SDK1: variants seen among roughly 807,000 people sequenced by gnomAD.
SDK1 encodes the protein sidekick cell adhesion molecule 1.
SDK1 carries 157 observed loss-of-function variants against 245.5 expected under a neutral mutation model. The observed-to-expected ratio is 0.64, with a 90% CI of 0.56 to 0.73. The LOEUF (loss-of-function observed/expected upper bound fraction) is 0.73, where lower values mean the gene tolerates loss of function less well. SDK1 is among the 30% of genes least tolerant of loss of function. The pLI is 0.00. For synonymous variants in SDK1, 1,647 were observed against 1,278.5 expected (o/e 1.29, Z -6.15); for missense variants, 3,583 against 3,002.3 (o/e 1.19, Z -4.52).
At position 4,017,269 on chromosome 7, in the gene SDK1, A is replaced by C. The variant is rs778879858; in HGVS notation, c.2519A>C (p.Gln840Pro). The C allele has an allele frequency of 3.1e-6, 5 of 1,614,132 alleles. No individual in the cohort carries two copies. The highest frequency in any genetic ancestry group is 1.1e-5 in the South Asian group (1 of 91,082). ...CLVTDLIIWT[Q>P]YEIQVAAYNG... is the part of the protein sequence containing the mutation. ...GTGACAGACCTGATCATCTGGACAC[A>C]GTATGAGATACAGGTGGCGGCGTAC... is the stretch of plus-strand genomic sequence containing the variant. Residue 840 changes from glutamine to proline, a missense_variant, in exon 17 of 45, where the codon CAG becomes CCG. Gln to Pro is a moderately conservative substitution (Grantham distance 76). Coordinates refer to ENST00000404826, the MANE Select transcript of SDK1 (RefSeq NM_152744.4).
intron 22 of SDK1, among the ~76,000 whole-genome samples, chr7:4,099,317 G>C (rs1175168073): frequency 6.6e-6 from 1 of 150,696 alleles, no homozygotes; most frequent in East Asian, 2.0e-4. Context: ...GATCCCAAGG[G>C]GAGGGGGCAG....
chr7:3,384,818 A>G (rs1004238924), intron 1 of SDK1, among the ~76,000 whole-genome samples: 3 of 152,216 alleles, frequency 2.0e-5, no homozygotes, highest in Admixed American at 6.5e-5. Context: ...AGGTACACAC[A>G]TATATGTATG....
intron 3 of SDK1, among the ~76,000 whole-genome samples, chr7:3,640,589 TTAAG>T (rs1244962907): frequency 6.6e-6 from 1 of 152,110 alleles, no homozygotes; most frequent in African/African-American, 2.4e-5. Context: ...AAATTATATT[TTAAG>T]AAGAGCTTCA....
chr7:3,391,431 T>C lies in SDK1; in HGVS notation c.298+89547T>C, dbSNP rs574168462. Among the ~76,000 whole-genome samples, 188 of 152,202 alleles carry C rather than the reference T, an allele frequency of 1.2e-3. 1 individual carries two copies. Among genetic ancestry groups the C allele is most frequent in the Non-Finnish European group, 2.1e-3 (143 of 68,004 alleles). On this transcript the variant is annotated intron_variant, in intron 1 of 44. Transcript: ENST00000404826. ...TGCCTCATCTTAAGGAATAGAGTTG[T>C]TTCTGGAGGTCTTGCTTAAGCGTAC... is the stretch of plus-strand genomic sequence containing the variant.
intron 5 of SDK1, among the ~76,000 whole-genome samples, chr7:3,881,155 A>G (rs1781199564): frequency 6.6e-6 from 1 of 152,058 alleles, no homozygotes; most frequent in Admixed American, 6.5e-5. Flanking sequence ...TTTGTTACGC[A>G]GGTAAACCTG....
chr7:3,667,401 C>T (rs748649893), intron 4 of SDK1, among the ~76,000 whole-genome samples: 4 of 152,212 alleles, frequency 2.6e-5, no homozygotes, highest in Admixed American at 6.5e-5. Flanking sequence ...TTCCTCCCAA[C>T]CTCCTCCTAC....
intron 35 of SDK1, among the ~76,000 whole-genome samples, chr7:4,196,545 C>T (rs552696177): frequency 1.0e-3 from 152 of 152,310 alleles, no homozygotes; most frequent in African/African-American, 2.1e-3. Flanking sequence ...TTGCTCTCCA[C>T]GCCGTAACTC....
intron 5 of SDK1, among the ~76,000 whole-genome samples, chr7:3,942,995 G>T (rs1170224605): frequency 6.6e-6 from 1 of 152,208 alleles, no homozygotes; most frequent in Admixed American, 6.5e-5. Flanking sequence ...GCCTGGCCAC[G>T]TGCGGGGAAC....
chr7:4,165,505 C>T (rs1327051352), intron 32 of SDK1, among the ~76,000 whole-genome samples: 1 of 152,056 alleles, frequency 6.6e-6, no homozygotes, highest in Non-Finnish European at 1.5e-5. Flanking sequence ...TGTTTGAAAG[C>T]TAAGGAGTAG....
intron 1 of SDK1, among the ~76,000 whole-genome samples, chr7:3,329,887 T>C (rs577702632): frequency 1.8e-4 from 27 of 152,330 alleles, no homozygotes; most frequent in African/African-American, 6.5e-4. Flanking sequence ...AATCTAGCGA[T>C]GACTTAATAT....
At chr7:3,488,551 C>T (rs1352963409) in intron 1 of SDK1, among the ~76,000 whole-genome samples, 1 of 152,172 alleles carries the variant, frequency 6.6e-6, no homozygotes, top group East Asian at 1.9e-4. Flanking sequence ...CAACATATGT[C>T]ATCAAGTTTT....
chr7:3,603,521 T>C (rs1374163233), intron 1 of SDK1, among the ~76,000 whole-genome samples: 7 of 151,818 alleles, frequency 4.6e-5, no homozygotes, highest in East Asian at 1.9e-4. Flanking sequence ...GTGATTTTTG[T>C]ACATTGATTT....
chr7:3,458,153 G>A (rs1522502), intron 1 of SDK1, among the ~76,000 whole-genome samples: 11,591 of 151,146 alleles, frequency 0.077, 509 homozygotes, highest in Middle Eastern at 0.16. Flanking sequence ...ATTGATATTC[G>A]TTGATGTGGC....
intron 5 of SDK1, among the ~76,000 whole-genome samples, chr7:3,941,016 G>A (rs888410147): frequency 6.6e-6 from 1 of 151,688 alleles, no homozygotes; most frequent in Non-Finnish European, 1.5e-5. Context: ...TCTGCAGAAC[G>A]CCTTCCCTTC....
chr7:3,974,536 T>A lies in SDK1; in HGVS notation c.1985T>A (p.Leu662Gln), dbSNP rs760469132. Reference sequence around the variant, plus strand: ...GGGAATGACTCCAGGATGGCCCGGCTGGAAGTGATGTGAGTACTGAGACGT... The same window carrying A: ...GGGAATGACTCCAGGATGGCCCGGCAGGAAGTGATGTGAGTACTGAGACGT... Reference protein sequence around the residue: ...EGGNDSRMARLEVIELPHSPQ... With the variant: ...EGGNDSRMARQEVIELPHSPQ... Residue 662 changes from leucine (L) to glutamine (Q), a missense_variant, in exon 13 of 45, where the codon CTG becomes CAG. Leu to Gln is a moderately radical substitution (Grantham distance 113). Transcript: ENST00000404826. The A allele has an allele frequency of 6.2e-7, 1 of 1,614,018 alleles. No individual in the cohort carries two copies. Among genetic ancestry groups the A allele is most frequent in the Non-Finnish European group, 8.5e-7 (1 of 1,180,020 alleles).
rs368622723 is a variant in SDK1 at position 3,325,952 on chromosome 7, C to G, written c.298+24068C>G. On this transcript the variant is annotated intron_variant, in intron 1 of 44. Transcript: ENST00000404826. Reference sequence around the variant, plus strand: ...AAAGAACCATCTCGCTTGGTTGTATCCAGGGTACACTCTCATAGGGATAAA... The same window carrying G: ...AAAGAACCATCTCGCTTGGTTGTATGCAGGGTACACTCTCATAGGGATAAA... 5.9e-5 allele frequency among the ~76,000 whole-genome samples: 9 copies of G among 152,124 alleles called. No homozygotes were observed. In the South Asian group the frequency reaches 1.7e-3, roughly 28 times the overall value.
intron 4 of SDK1, among the ~76,000 whole-genome samples, chr7:3,758,273 T>G (rs6462288): frequency 0.092 from 14,040 of 152,280 alleles, 2,027 homozygotes; most frequent in African/African-American, 0.31. Context: ...GCTTACAGCA[T>G]TTCTATCGTA....
intron 4 of SDK1, among the ~76,000 whole-genome samples, chr7:3,743,781 A>T (rs1009580781): frequency 6.6e-6 from 1 of 152,150 alleles, no homozygotes; most frequent in African/African-American, 2.4e-5. Flanking sequence ...ACCGAGTGGC[A>T]TGATGAGAAA....
At chr7:3,638,796 T>G (rs13227634) in intron 2 of SDK1, among the ~76,000 whole-genome samples, 2 of 150,394 alleles carry the variant, frequency 1.3e-5, no homozygotes, top group Admixed American at 6.6e-5. Context: ...ATAATAAAAT[T>G]TAAAAAAAAA....
Sources: gnomAD v4.1 joint callset for allele counts (sites outside exome capture counted in the v4.1 genomes callset) on GRCh38, gnomAD v4.1.1 for gene constraint, MANE v1.5 for transcripts, NCBI Gene and HGNC (gene_info 2026-07-23, HGNC 2026-07-21) for gene names.